Variants in CTNNA3 observed in about 807,000 individuals in gnomAD.
CTNNA3 encodes catenin alpha 3.
In CTNNA3, 76 loss-of-function variants were observed where a neutral mutation model predicts 95.7. That is an observed-to-expected ratio of 0.79 (90% CI 0.66 to 0.96). The LOEUF (loss-of-function observed/expected upper bound fraction) is 0.96, where lower values mean the gene tolerates loss of function less well. Ranked by LOEUF, CTNNA3 falls within the 40% of genes least tolerant of loss-of-function variation. The pLI, the probability that CTNNA3 is intolerant of heterozygous loss-of-function variation, is 0.00. For synonymous variants in CTNNA3, 431 were observed against 374.4 expected (o/e 1.15, Z -1.74); for missense variants, 1,191 against 1,089.8 (o/e 1.09, Z -1.31).
intron 3 of CTNNA3, among the ~76,000 whole-genome samples, chr10:67,559,175 A>G (rs909485695): frequency 3.3e-5 from 5 of 152,252 alleles, no homozygotes; most frequent in African/African-American, 1.2e-4. Context: ...GAGAACAGGC[A>G]GACTGCCTCC....
At chr10:67,465,480 A>G (rs1194269124) in intron 5 of CTNNA3, among the ~76,000 whole-genome samples, 2 of 152,302 alleles carry the variant, frequency 1.3e-5, no homozygotes, top group East Asian at 3.9e-4. Context: ...AGTTTTATCA[A>G]TTTATGATGC....
intron 5 of CTNNA3, among the ~76,000 whole-genome samples, chr10:67,315,994 T>C (rs1841034380): frequency 6.6e-6 from 1 of 152,048 alleles, no homozygotes; most frequent in South Asian, 2.1e-4. Context: ...AAAGAAAAAA[T>C]ATGTTAATTT....
chr10:67,203,902 A>G (rs1863761182), intron 6 of CTNNA3, among the ~76,000 whole-genome samples: 2 of 152,158 alleles, frequency 1.3e-5, no homozygotes, highest in African/African-American at 4.8e-5. Context: ...TGGGCTGGAA[A>G]TTCCCATTTC....
chr10:66,468,309 T>C (rs1413161563), intron 11 of CTNNA3, among the ~76,000 whole-genome samples: 1 of 152,086 alleles, frequency 6.6e-6, no homozygotes, highest in Non-Finnish European at 1.5e-5. Context: ...ATTTGTTATC[T>C]GACTAAATTG....
intron 12 of CTNNA3, among the ~76,000 whole-genome samples, chr10:66,316,562 C>T (rs2092102969): frequency 6.6e-6 from 1 of 152,024 alleles, no homozygotes; most frequent in Admixed American, 6.6e-5. Context: ...CCCACACTCA[C>T]TCTGATTGGG....
chr10:67,516,208 T>C (rs1839806200), intron 5 of CTNNA3, among the ~76,000 whole-genome samples: 1 of 152,088 alleles, frequency 6.6e-6, no homozygotes, highest in African/African-American at 2.4e-5. Flanking sequence ...TTAAAGAAAA[T>C]ATATTTACAA....
chr10:66,434,058 G>C (rs951294224), intron 11 of CTNNA3, among the ~76,000 whole-genome samples: 4 of 152,168 alleles, frequency 2.6e-5, no homozygotes, highest in Non-Finnish European at 5.9e-5. Context: ...TTGTAGTGTA[G>C]TTTGAAGACA....
intron 9 of CTNNA3, among the ~76,000 whole-genome samples, chr10:66,759,355 T>G (rs1260711357): frequency 3.3e-5 from 5 of 152,212 alleles, no homozygotes; most frequent in African/African-American, 9.6e-5. Context: ...AGATATCAAG[T>G]GTTTTTCCTA....
intron 7 of CTNNA3, among the ~76,000 whole-genome samples, chr10:67,096,361 A>C (rs2131928746): frequency 6.6e-6 from 1 of 151,936 alleles, no homozygotes; most frequent in African/African-American, 2.4e-5. Context: ...AAAGAATGTA[A>C]AGATGCAGTT....
intron 9 of CTNNA3, among the ~76,000 whole-genome samples, chr10:66,628,383 T>C (rs922180400): frequency 2.6e-5 from 4 of 152,182 alleles, no homozygotes; most frequent in East Asian, 3.9e-4. Context: ...AAGGTAAGAA[T>C]TATTGCTTTA....
At chr10:67,061,086 TA>T (rs994470487) in intron 7 of CTNNA3, among the ~76,000 whole-genome samples, 16 of 151,840 alleles carry the variant, frequency 1.1e-4, no homozygotes, top group East Asian at 1.9e-4. Flanking sequence ...ATTCAATCAA[TA>T]AAAAAAACTA....
chr10:67,471,164 G>A (rs1847808297), intron 5 of CTNNA3, among the ~76,000 whole-genome samples: 2 of 151,970 alleles, frequency 1.3e-5, no homozygotes, highest in African/African-American at 4.8e-5. Context: ...TGTGTTGTGG[G>A]GGTTATCTTT....
At chr10:66,090,475 T>C (rs893052843) in intron 14 of CTNNA3, among the ~76,000 whole-genome samples, 5 of 152,068 alleles carry the variant, frequency 3.3e-5, no homozygotes, top group African/African-American at 4.8e-5. Flanking sequence ...TATTAACTCC[T>C]AGAAGCCTCA....
At chr10:67,459,896 A>G (rs1476738352) in intron 5 of CTNNA3, among the ~76,000 whole-genome samples, 1 of 152,180 alleles carries the variant, frequency 6.6e-6, no homozygotes, top group Non-Finnish European at 1.5e-5. Context: ...AGCATGCTCC[A>G]AAGTCAATCT....
intron 5 of CTNNA3, among the ~76,000 whole-genome samples, chr10:67,355,278 G>A (rs914565021): frequency 1.3e-5 from 2 of 151,918 alleles, no homozygotes; most frequent in Non-Finnish European, 2.9e-5. Flanking sequence ...AACAAGACAG[G>A]CAGATTTCAT....
Position 67,233,824 on chromosome 10 carries a change from G to A in CTNNA3, c.580-13954C>T, listed in dbSNP as rs201058214. 9.9e-5 allele frequency among the ~76,000 whole-genome samples: 15 copies of A among 152,202 alleles called. No homozygotes were observed. In the East Asian group the frequency reaches 2.1e-3, roughly 22 times the overall value. ...AATAGATGCAATAAAAAATGATAAA[G>A]GGGATATCATCACTGATCCCACAGA... On this transcript the variant is annotated intron_variant, in intron 5 of 17. Transcript: ENST00000433211.
At chr10:65,952,216 T>A (rs1373848496) in intron 17 of CTNNA3, among the ~76,000 whole-genome samples, 7 of 152,142 alleles carry the variant, frequency 4.6e-5, no homozygotes, top group Non-Finnish European at 8.8e-5. Flanking sequence ...ATCAAGGAAA[T>A]GCCTTAGTCC....
At chr10:66,500,096 C>T (rs140117415) in intron 11 of CTNNA3, among the ~76,000 whole-genome samples, 1,579 of 151,930 alleles carry the variant, frequency 0.01, 29 homozygotes, top group African/African-American at 0.037. Flanking sequence ...CCACTGCACC[C>T]GGCCAATAGT....
intron 9 of CTNNA3, among the ~76,000 whole-genome samples, chr10:66,718,179 A>T (rs1399473944): frequency 6.6e-6 from 1 of 151,790 alleles, no homozygotes; most frequent in Non-Finnish European, 1.5e-5. Flanking sequence ...TATCTAACGC[A>T]GAATCCTAGG....
Sources: gnomAD v4.1 joint callset for allele counts (sites outside exome capture counted in the v4.1 genomes callset) on GRCh38, gnomAD v4.1.1 for gene constraint, MANE v1.5 for transcripts, NCBI Gene and HGNC (gene_info 2026-07-23, HGNC 2026-07-21) for gene names.